PUS10: variants seen among roughly 807,000 people sequenced by gnomAD.
PUS10 encodes the protein tRNA pseudouridine synthase Pus10.
PUS10 carries 59 observed loss-of-function variants against 75.0 expected under a neutral mutation model. The observed-to-expected ratio is 0.79, with a 90% CI of 0.64 to 0.98. The LOEUF (loss-of-function observed/expected upper bound fraction) is 0.98. PUS10 is among the 50% of genes least tolerant of loss of function. The probability of loss-of-function intolerance (pLI) is 0.00; values close to 1 mark genes in which losing one functional copy is unlikely to be tolerated. For synonymous variants in PUS10, 219 were observed against 211.6 expected, an observed-to-expected ratio of 1.03 and a Z score of -0.30; for missense variants, 650 against 614.4, an observed-to-expected ratio of 1.06 and a Z score of -0.61.
chr2:60,954,275 T>TGGGCTAATGCAAG, intron 12 of PUS10, 117 bp from the exon 13 acceptor site: 1 of 840,170 alleles, frequency 1.2e-6, no homozygotes, highest in Non-Finnish European at 2.0e-6. Context: ...ACTGAAAGTT[T>TGGGCTAATGCAAG]AGTGACATGA....
In PUS10 at chr2:60,967,679, T is replaced by G. The variant is rs1186109409; in HGVS notation, c.504-66A>C. On this transcript the variant is annotated intron_variant, in intron 5 of 17. Transcript: ENST00000316752. ...TACTTTTTCTATTAAAGGCAAGAAT[T>G]TATGCAATTATTTTTAAAATATTGA... 2.9e-6 allele frequency: 3 copies of G among 1,050,440 alleles called. No homozygotes were observed. The East Asian group carries it at 7.4e-5, about 26-fold the overall frequency. The allele number at this position is 1,050,440 out of a possible 1,614,324, so 65.1% of individuals were successfully genotyped here.
chr2:60,967,383 A>G, intron 6 of PUS10, 119 bp downstream of exon 6: 1 of 649,432 alleles, frequency 1.5e-6, no homozygotes, highest in East Asian at 2.9e-5. Context: ...AAAAGCTTAA[A>G]AAATCCTTCA....
At chr2:61,000,869 T>A (rs978536201) in intron 4 of PUS10, among the ~76,000 whole-genome samples, 16 of 152,172 alleles carry the variant, frequency 1.1e-4, no homozygotes, top group Non-Finnish European at 2.2e-4. Flanking sequence ...ATCTCCAGCA[T>A]AAATGGGTTA....
At chr2:60,973,505 G>A (rs550987150) in intron 4 of PUS10, among the ~76,000 whole-genome samples, 1 of 152,390 alleles carries the variant, frequency 6.6e-6, no homozygotes, top group Admixed American at 6.5e-5. Flanking sequence ...GCACACTCAT[G>A]GCAGTGCTGA....
At chr2:60,992,210 T>G (rs1435053690) in intron 4 of PUS10, among the ~76,000 whole-genome samples, 1 of 152,144 alleles carries the variant, frequency 6.6e-6, no homozygotes, top group East Asian at 1.9e-4. Context: ...GAGACGGGTT[T>G]TCGCCATGTT....
At chr2:60,985,218 A>G (rs1212759310) in intron 4 of PUS10, among the ~76,000 whole-genome samples, 1 of 152,228 alleles carries the variant, frequency 6.6e-6, no homozygotes, top group African/African-American at 2.4e-5. Context: ...ATTAGATCAC[A>G]AAATTTTAAA....
intron 4 of PUS10, among the ~76,000 whole-genome samples, chr2:60,982,147 C>T (rs1677433905): frequency 1.3e-5 from 2 of 152,004 alleles, no homozygotes; most frequent in Non-Finnish European, 2.9e-5. Context: ...GGTATTTGGT[C>T]CCAGGACTAC....
intron 4 of PUS10, among the ~76,000 whole-genome samples, chr2:60,977,255 G>A (rs1677090102): frequency 6.6e-6 from 1 of 152,130 alleles, no homozygotes. Context: ...ATGGAGAAAG[G>A]ATAGAGACAG....
chr2:60,945,760 T>A (rs1212039723), intron 16 of PUS10, among the ~76,000 whole-genome samples: 1 of 152,362 alleles, frequency 6.6e-6, no homozygotes, highest in African/African-American at 2.4e-5. Flanking sequence ...AATTTTGAAA[T>A]CAATAACTAA....
At chr2:60,960,329 G>C (rs1185018691) in intron 11 of PUS10, 63 bp downstream of exon 11, 3 of 1,281,220 alleles carry the variant, frequency 2.3e-6, no homozygotes, top group Admixed American at 6.1e-5. Flanking sequence ...AGTTGACAAA[G>C]CAAGCCCCTA....
chr2:60,961,367 A>G (rs1676014235), intron 10 of PUS10, 96 bp downstream of exon 10: 1 of 904,954 alleles, frequency 1.1e-6, no homozygotes, highest in Non-Finnish European at 1.8e-6. Flanking sequence ...AGAATCTAAT[A>G]ACAACAATAA....
intron 4 of PUS10, among the ~76,000 whole-genome samples, chr2:60,997,407 G>A (rs1023669789): frequency 2.6e-5 from 4 of 152,158 alleles, no homozygotes; most frequent in Non-Finnish European, 4.4e-5. Context: ...TCAGGAGATC[G>A]AGACCATCCT....
intron 4 of PUS10, among the ~76,000 whole-genome samples, chr2:60,973,640 C>G (rs1676837101): frequency 1.3e-5 from 2 of 152,262 alleles, no homozygotes; most frequent in South Asian, 2.1e-4. Flanking sequence ...GCAAGAACAG[C>G]CAGGGCGCCA....
chr2:61,007,337 C>G (rs1679283170), intron 3 of PUS10, among the ~76,000 whole-genome samples: 1 of 151,988 alleles, frequency 6.6e-6, no homozygotes, highest in African/African-American at 2.4e-5. Flanking sequence ...TGGCGTGCAC[C>G]TGTAGTCCCA....
chr2:60,943,638 G>A (rs538128318), intron 17 of PUS10, among the ~76,000 whole-genome samples: 1 of 152,248 alleles, frequency 6.6e-6, no homozygotes, highest in African/African-American at 2.4e-5. Flanking sequence ...GTGTGTGTGT[G>A]TCTTTTACAA....
chr2:61,009,159 C>T, intron 2 of PUS10, 144 bp from the exon 3 acceptor site: 1 of 657,562 alleles, frequency 1.5e-6, no homozygotes. Context: ...TGAAGCAATC[C>T]AGTTATTAGC....
chr2:60,971,496 T>C (rs957420173), intron 5 of PUS10, 27 bp downstream of exon 5: 3 of 1,602,320 alleles, frequency 1.9e-6, no homozygotes, highest in Non-Finnish European at 2.6e-6. Flanking sequence ...TGAATGGTAG[T>C]AAAAATTCCC....
chr2:60,955,858 A>C (rs1675616330), intron 11 of PUS10, among the ~76,000 whole-genome samples: 1 of 151,994 alleles, frequency 6.6e-6, no homozygotes, highest in Non-Finnish European at 1.5e-5. Flanking sequence ...TATGGTGAAA[A>C]CTCTATAATC....
chr2:60,953,676 T>C (rs957288120), intron 14 of PUS10, among the ~76,000 whole-genome samples: 3 of 152,252 alleles, frequency 2.0e-5, no homozygotes, highest in Non-Finnish European at 4.4e-5. Context: ...TTTGTTTTCA[T>C]TTCTCTTGTA....
Sources: allele counts gnomAD v4.1 joint callset (sites outside exome capture counted in the v4.1 genomes callset), GRCh38; gene constraint gnomAD v4.1.1; transcripts MANE v1.5; gene names NCBI Gene and HGNC (gene_info 2026-07-23, HGNC 2026-07-21).